The following NAB2 variants were observed in gnomAD, a reference collection of about 807,000 sequenced individuals.
NAB2 encodes the protein NGFI-A binding protein 2.
In NAB2, 9 loss-of-function variants were observed where a neutral mutation model predicts 44.2. The ratio of observed to expected loss-of-function variants is 0.20; its 90% confidence interval spans 0.12 to 0.36. NAB2 has a LOEUF of 0.36. Ranked by LOEUF, NAB2 falls within the 10% of genes least tolerant of loss-of-function variation. NAB2 has a pLI of 1.00. For missense variants in NAB2, 514 were observed against 709.0 expected, an observed-to-expected ratio of 0.73 and a Z score of 3.12; for synonymous variants, 342 against 291.0, an observed-to-expected ratio of 1.18 and a Z score of -1.78.
intron 1 of NAB2, among the ~76,000 whole-genome samples, chr12:57,090,386 A>G (rs1236402608): frequency 6.6e-6 from 1 of 152,222 alleles, no homozygotes; most frequent in East Asian, 1.9e-4. Context: ...CAGGAGGCTG[A>G]GGCAGGAGAA....
Position 57,093,113 on chromosome 12 carries a change from G to A in NAB2, c.1194G>A (p.Glu398=), listed in dbSNP as rs1295867424. ...PEIQQPPPGP[E]SYVPPYRPSL... ...TCCAGCAGCCTCCCCCAGGCCCTGA[G>A]TCCTATGTACCCCCATACCGCCCCA... The change falls in exon 5 of 7, where the codon GAG becomes GAA. Residue 398 remains glutamate, a synonymous_variant. Transcript: ENST00000300131. 2 of 1,613,648 alleles carry A rather than the reference G, an allele frequency of 1.2e-6. No homozygotes were observed. The highest frequency in any genetic ancestry group is 1.7e-6 in the Non-Finnish European group (2 of 1,179,742).
At position 57,093,195 on chromosome 12, in the gene NAB2, G is replaced by A. The variant is rs1592533443; in HGVS notation, c.1276G>A (p.Ala426Thr). 3 of 1,599,988 alleles carry A rather than the reference G, an allele frequency of 1.9e-6. No homozygotes were observed. The highest frequency in any genetic ancestry group is 2.2e-5 in the South Asian group (2 of 89,614). ...SGESLDGHLQ[A>T]VGSCPRLTPP... The stretch of plus-strand genomic sequence containing the variant: ...GGAGAGTCTGGATGGACATTTGCAG[G>A]GTGAGTGTGCCTCAGAACACTTTTC... Residue 426 changes from alanine (A) to threonine (T), a missense_variant and splice_region_variant, in exon 5 of 7, where the codon GCT becomes ACT. Transcript: ENST00000300131.
At chr12:57,093,694 T>A in intron 6 of NAB2, 96 bp downstream of exon 6, 1 of 1,294,078 alleles carries the variant, frequency 7.7e-7, no homozygotes, top group Non-Finnish European at 1.0e-6. Flanking sequence ...GGAAGAGGGA[T>A]ATAGTCGTCA....
chr12:57,092,429 G>C lies in NAB2; in HGVS notation c.958-19G>C. On this transcript the variant is annotated intron_variant, in intron 2 of 6. Transcript: ENST00000300131. ...GGGAAGTTCGAATTCTGACTCTCCT[G>C]GCTGCCCTCCCTCCACAGCTCACCA... The C allele has an allele frequency of 6.2e-7, 1 of 1,612,430 alleles. No homozygotes were observed. The highest frequency in any genetic ancestry group is 8.5e-7 in the Non-Finnish European group (1 of 1,178,756).
Position 57,093,087 on chromosome 12 carries a change from A to T in NAB2, c.1168A>T (p.Ile390Phe), listed in dbSNP as rs1565673829. The T allele has an allele frequency of 1.9e-6, 3 of 1,612,486 alleles. No individual in the cohort carries two copies. The highest frequency in any genetic ancestry group is 8.5e-7 in the Non-Finnish European group (1 of 1,178,986). ...QEVGEQSHPEIQQPPPGPESY... is the reference protein window; with the variant it reads ...QEVGEQSHPEFQQPPPGPESY... Reference sequence around the variant, plus strand: ...GGTTGGAGAACAGAGTCACCCTGAAATCCAGCAGCCTCCCCCAGGCCCTGA... The same window carrying T: ...GGTTGGAGAACAGAGTCACCCTGAATTCCAGCAGCCTCCCCCAGGCCCTGA... Residue 390 changes from isoleucine (I) to phenylalanine (F), a missense_variant, in exon 5 of 7, where the codon ATC becomes TTC. Coordinates refer to ENST00000300131, the MANE Select transcript of NAB2 (RefSeq NM_005967.4).
In NAB2 at chr12:57,094,599, C is replaced by A. The variant is rs748023310; in HGVS notation, c.1469-13C>A. The stretch of plus-strand genomic sequence containing the variant: ...CACCCTGCAGTCTCCTAACTGCCCC[C>A]TTTTCCCTGCAGAGTTCGAGGAAGG... On this transcript the variant is annotated splice_polypyrimidine_tract_variant and intron_variant, in intron 6 of 6. Transcript: ENST00000300131. The A allele has an allele frequency of 1.2e-5, 19 of 1,549,932 alleles. No individual in the cohort carries two copies. Among genetic ancestry groups the A allele is most frequent in the Non-Finnish European group, 1.5e-5 (17 of 1,145,800 alleles).
chr12:57,093,649 A>G (rs893073162), intron 6 of NAB2, 51 bp downstream of exon 6: 1 of 1,433,890 alleles, frequency 7.0e-7, no homozygotes, highest in Admixed American at 2.8e-5. Flanking sequence ...CTCAGGCCCC[A>G]CACAGCAATT....
At chr12:57,090,992 C>T in intron 1 of NAB2, 133 bp from the exon 2 acceptor site, 1 of 746,996 alleles carries the variant, frequency 1.3e-6, no homozygotes. Context: ...GACCTGGGCA[C>T]TGGGCAGGAT....
In NAB2 at chr12:57,091,691, C is replaced by T. The variant is rs542979510; in HGVS notation, c.650C>T (p.Pro217Leu). The stretch of plus-strand genomic sequence containing the variant: ...TCCCCCCCTGCAGGGGGAGGAGTCC[C>T]TGAGGGGACTGGGGCTGGGGGGCTG... ...PFSPPAGGGVPEGTGAGGLAA... is the reference protein window; with the variant it reads ...PFSPPAGGGVLEGTGAGGLAA... Residue 217 changes from proline (P) to leucine (L), a missense_variant, in exon 2 of 7, where the codon CCT (proline) becomes CTT (leucine). Transcript: ENST00000300131. The surrounding 1 kb of genome is among the most constrained non-coding windows in gnomAD (Gnocchi z 7.3). 4.3e-6 allele frequency: 7 copies of T among 1,613,416 alleles called. No individual in the cohort carries two copies. In the South Asian group the frequency reaches 4.4e-5, roughly 10 times the overall value.
chr12:57,094,576 C>T (rs369953856), intron 6 of NAB2, 36 bp from the exon 7 acceptor site: 383 of 1,484,462 alleles, frequency 2.6e-4, no homozygotes, highest in Non-Finnish European at 3.4e-4. Context: ...CAGCCAGTCA[C>T]CCTGCAGTCT....
Position 57,091,706 on chromosome 12 carries a change from C to T in NAB2, c.665C>T (p.Ala222Val), listed in dbSNP as rs371168386. 48 of 1,613,432 alleles carry T rather than the reference C, an allele frequency of 3.0e-5. No homozygotes were observed. The highest frequency in any genetic ancestry group is 3.1e-5 in the Non-Finnish European group (37 of 1,179,756). The stretch of plus-strand genomic sequence containing the variant: ...GGAGGAGTCCCTGAGGGGACTGGGG[C>T]TGGGGGGCTGGCAGCAGGTGGGACT... ...AGGGVPEGTG[A>V]GGLAAGGTGG... The change falls in exon 2 of 7, where the codon GCT becomes GTT. Residue 222 changes from alanine (A) to valine (V), a missense_variant. By Grantham distance (64) the Ala-to-Val change is moderately conservative. Around this residue, in one of 5 missense-constraint regions of NAB2, gnomAD observed 177 missense variants for 200.5 expected, o/e 0.88. Coordinates refer to ENST00000300131, the MANE Select transcript of NAB2 (RefSeq NM_005967.4). The surrounding 1 kb of genome is among the most constrained non-coding windows in gnomAD (Gnocchi z 7.3).
chr12:57,094,534 C>T (rs570623522), intron 6 of NAB2, 78 bp from the exon 7 acceptor site: 10 of 1,156,782 alleles, frequency 8.6e-6, no homozygotes, highest in South Asian at 6.6e-5. Context: ...GCTTTCTTTG[C>T]CCCTGCTTCT....
rs898891468 is a variant in NAB2, at chr12:57,093,532, C to T, written c.1402C>T (p.Arg468Cys). ...TLMDEGLRLA[R>C]LVSHDRVGRL... is the part of the protein sequence containing the mutation. ...GATGGACGAGGGGCTGCGGCTCGCCCGCCTCGTCTCCCACGACCGCGTGGG... is the reference window on the plus strand; with the variant it reads ...GATGGACGAGGGGCTGCGGCTCGCCTGCCTCGTCTCCCACGACCGCGTGGG... The change falls in exon 6 of 7, where the codon CGC becomes TGC. Residue 468 changes from arginine (R) to cysteine (C), a missense_variant. By Grantham distance (180) the Arg-to-Cys change is radical (BLOSUM62 -3). Transcript: ENST00000300131. 1.3e-6 allele frequency: 2 copies of T among 1,558,628 alleles called. No homozygotes were observed. The highest frequency in any genetic ancestry group is 1.9e-5 in the Admixed American group (1 of 52,110).
chr12:57,094,580 G>A, intron 6 of NAB2, 32 bp from the exon 7 acceptor site: 1 of 1,509,590 alleles, frequency 6.6e-7, no homozygotes, highest in South Asian at 1.2e-5. Flanking sequence ...CAGTCACCCT[G>A]CAGTCTCCTA....
chr12:57,092,106 G>A, intron 2 of NAB2, 108 bp downstream of exon 2: 1 of 1,463,730 alleles, frequency 6.8e-7, no homozygotes, highest in Non-Finnish European at 9.0e-7. Context: ...CTCTTGACCA[G>A]GACCCCAGGC....
intron 3 of NAB2, 86 bp downstream of exon 3, chr12:57,092,667 A>C: frequency 1.3e-6 from 2 of 1,522,416 alleles, no homozygotes; most frequent in Non-Finnish European, 1.8e-6. Context: ...AGGCAGCTCT[A>C]GGCCTGCTTC....
At chr12:57,089,531 C>T (rs2033129281) in intron 1 of NAB2, among the ~76,000 whole-genome samples, 177 bp downstream of exon 1, 1 of 152,124 alleles carries the variant, frequency 6.6e-6, no homozygotes, top group Admixed American at 6.5e-5. Flanking sequence ...AGCAGGCAAG[C>T]ATCTGATGAA....
intron 6 of NAB2, 86 bp downstream of exon 6, chr12:57,093,684 G>A: frequency 9.7e-6 from 13 of 1,336,606 alleles, no homozygotes; most frequent in South Asian, 3.1e-5. Flanking sequence ...CCAGGTGGGA[G>A]GAAGAGGGAT....
chr12:57,091,241 A>G lies in NAB2; in HGVS notation c.200A>G (p.Asp67Gly). The change falls in exon 2 of 7, where the codon GAC becomes GGC. Residue 67 changes from aspartate to glycine, a missense_variant. Transcript: ENST00000300131. The surrounding 1 kb of genome is among the most constrained non-coding windows in gnomAD (Gnocchi z 7.3). ...GAGACCTTCATCCAGCAGGGAGGGG[A>G]CGACGTGCAGCAGCTGTGTGAGGCG... ...YYETFIQQGG[D>G]DVQQLCEAGE... 6.3e-7 allele frequency: 1 copy of G among 1,599,606 alleles called. No individual in the cohort carries two copies. The highest frequency in any genetic ancestry group is 8.6e-7 in the Non-Finnish European group (1 of 1,169,484).
Sources: gnomAD v4.1 joint callset for allele counts (sites outside exome capture counted in the v4.1 genomes callset) on GRCh38, gnomAD v4.1.1 for gene constraint, gnomAD v4.1.1 regional missense constraint, Gnocchi (gnomAD v3.1) non-coding constraint, MANE v1.5 for transcripts, NCBI Gene and HGNC (gene_info 2026-07-23, HGNC 2026-07-21) for gene names.